Variants in RCAN2 observed in about 807,000 individuals in gnomAD.
The protein encoded by RCAN2 is regulator of calcineurin 2, also known as calcipressin-2.
Under a neutral mutation model 23.6 loss-of-function variants are expected in RCAN2, and 9 were observed. The observed-to-expected ratio is 0.38, with a 90% CI of 0.23 to 0.67. The LOEUF (loss-of-function observed/expected upper bound fraction) is 0.67. RCAN2 is among the 30% of genes least tolerant of loss of function. RCAN2 has a pLI of 0.51. For missense variants in RCAN2, 273 were observed against 302.3 expected (o/e 0.90, Z 0.72); for synonymous variants, 109 against 115.7 (o/e 0.94, Z 0.37).
chr6:46,320,421 G>A (rs771403915), intron 2 of RCAN2, among the ~76,000 whole-genome samples: 1 of 152,184 alleles, frequency 6.6e-6, no homozygotes, highest in Non-Finnish European at 1.5e-5. Flanking sequence ...GATTTGAAAT[G>A]TCCAGTGGTT....
intron 2 of RCAN2, among the ~76,000 whole-genome samples, chr6:46,418,655 C>T (rs1766777384): frequency 6.9e-6 from 1 of 145,098 alleles, no homozygotes; most frequent in South Asian, 2.2e-4. Context: ...ATTTTATCGG[C>T]TGATTGTTAA....
intron 4 of RCAN2, among the ~76,000 whole-genome samples, chr6:46,243,906 G>C (rs925548924): frequency 3.3e-5 from 5 of 151,034 alleles, no homozygotes; most frequent in African/African-American, 1.2e-4. Flanking sequence ...CAGGCCTGAA[G>C]TCAGCCAAGC....
intron 2 of RCAN2, among the ~76,000 whole-genome samples, chr6:46,367,654 T>A (rs73453016): frequency 0.032 from 4,864 of 152,306 alleles, 250 homozygotes; most frequent in African/African-American, 0.11. Context: ...ATTTTACACA[T>A]CATCTTTTAA....
At chr6:46,421,767 T>C (rs1486327365) in intron 2 of RCAN2, among the ~76,000 whole-genome samples, 1 of 152,156 alleles carries the variant, frequency 6.6e-6, no homozygotes, top group Non-Finnish European at 1.5e-5. Flanking sequence ...TTAGAACTCA[T>C]TAAAAGTAGA....
intron 2 of RCAN2, among the ~76,000 whole-genome samples, chr6:46,433,537 T>A (rs1767277070): frequency 6.6e-6 from 1 of 152,210 alleles, no homozygotes; most frequent in Admixed American, 6.5e-5. Context: ...GGTGTGTTAT[T>A]GGAAGCAGAA....
chr6:46,229,147 T>C (rs1333527650), intron 4 of RCAN2, among the ~76,000 whole-genome samples: 1 of 152,224 alleles, frequency 6.6e-6, no homozygotes, highest in Non-Finnish European at 1.5e-5. Flanking sequence ...CAGCTGTTAG[T>C]CTGGTGGGCT....
At chr6:46,320,651 G>A (rs1305543632) in intron 2 of RCAN2, among the ~76,000 whole-genome samples, 1 of 152,216 alleles carries the variant, frequency 6.6e-6, no homozygotes, top group Non-Finnish European at 1.5e-5. Flanking sequence ...GGATTGGGAG[G>A]ATGTTGAGAA....
intron 2 of RCAN2, among the ~76,000 whole-genome samples, chr6:46,395,575 G>C (rs1331512770): frequency 6.6e-6 from 1 of 152,138 alleles, no homozygotes; most frequent in African/African-American, 2.4e-5. Context: ...TAATATGTCA[G>C]ATTGTTTCAG....
chr6:46,395,566 A>C (rs558741298), intron 2 of RCAN2, among the ~76,000 whole-genome samples: 2 of 152,242 alleles, frequency 1.3e-5, no homozygotes, highest in Non-Finnish European at 2.9e-5. Flanking sequence ...CAGATACTCT[A>C]ATATGTCAGA....
chr6:46,322,476 C>T (rs1763649861), intron 2 of RCAN2, among the ~76,000 whole-genome samples: 1 of 152,174 alleles, frequency 6.6e-6, no homozygotes, highest in Non-Finnish European at 1.5e-5. Context: ...CAGAAGGGCC[C>T]CTAATACAAT....
At chr6:46,308,467 G>T (rs1297690970) in intron 2 of RCAN2, among the ~76,000 whole-genome samples, 1 of 152,090 alleles carries the variant, frequency 6.6e-6, no homozygotes, top group Non-Finnish European at 1.5e-5. Flanking sequence ...AATGTGGTTG[G>T]GCAGGGCCAG....
chr6:46,283,049 A>G (rs1762254877), intron 2 of RCAN2, among the ~76,000 whole-genome samples: 1 of 152,206 alleles, frequency 6.6e-6, no homozygotes, highest in Admixed American at 6.5e-5. Context: ...GGGAGGCAAT[A>G]AGCCTTTACT....
chr6:46,223,807 G>A (rs570913653), intron 4 of RCAN2, among the ~76,000 whole-genome samples: 1 of 152,250 alleles, frequency 6.6e-6, no homozygotes, highest in African/African-American at 2.4e-5. Flanking sequence ...AGGATTCAGT[G>A]GTTACTGGGT....
intron 2 of RCAN2, among the ~76,000 whole-genome samples, chr6:46,289,365 T>C (rs1268775073): frequency 1.3e-5 from 2 of 152,214 alleles, no homozygotes. Context: ...TTAAGCCTAA[T>C]ACTGGTTGGG....
At chr6:46,303,663 A>G (rs1762980132) in intron 2 of RCAN2, among the ~76,000 whole-genome samples, 3 of 151,926 alleles carry the variant, frequency 2.0e-5, no homozygotes, top group African/African-American at 7.2e-5. Context: ...ACCTCCTCCA[A>G]TCCTCAGGTT....
intron 2 of RCAN2, among the ~76,000 whole-genome samples, chr6:46,351,291 G>C (rs1448037135): frequency 6.6e-6 from 1 of 152,104 alleles, no homozygotes; most frequent in African/African-American, 2.4e-5. Context: ...AAGGCTTCCT[G>C]TTCCCTTTTA....
At chr6:46,428,597 C>T (rs1195553463) in intron 2 of RCAN2, among the ~76,000 whole-genome samples, 4 of 152,202 alleles carry the variant, frequency 2.6e-5, no homozygotes, top group Non-Finnish European at 5.9e-5. Context: ...GGAAAGTAAT[C>T]ATCATGCTTT....
intron 2 of RCAN2, among the ~76,000 whole-genome samples, chr6:46,405,135 G>A (rs922107422): frequency 1.9e-4 from 29 of 152,120 alleles, no homozygotes; most frequent in African/African-American, 7.0e-4. Context: ...TTAAGGCGGC[G>A]CATCTGGAGT....
intron 3 of RCAN2, among the ~76,000 whole-genome samples, chr6:46,247,625 CT>C (rs2150317665): frequency 6.6e-6 from 1 of 152,328 alleles, no homozygotes; most frequent in East Asian, 1.9e-4. Flanking sequence ...TGTCTGGCTT[CT>C]TTCCCTTAGT....
Sources: gnomAD v4.1 joint callset for allele counts (sites outside exome capture counted in the v4.1 genomes callset) on GRCh38, gnomAD v4.1.1 for gene constraint, MANE v1.5 for transcripts, NCBI Gene and HGNC (gene_info 2026-07-23, HGNC 2026-07-21) for gene names.